ABHD2: variants seen among roughly 807,000 people sequenced by gnomAD.
ABHD2 encodes the protein monoacylglycerol lipase ABHD2.
In ABHD2, 20 loss-of-function variants were observed where a neutral mutation model predicts 48.1. The ratio of observed to expected loss-of-function variants is 0.42; its 90% CI spans 0.29 to 0.60. ABHD2 has a LOEUF of 0.60. ABHD2 is among the 20% of genes least tolerant of loss of function. ABHD2 has a pLI of 0.24. For synonymous variants in ABHD2, 209 were observed against 214.2 expected, an observed-to-expected ratio of 0.98 and a Z score of 0.21; for missense variants, 405 against 550.9, an observed-to-expected ratio of 0.74 and a Z score of 2.65.
the ABHD2 span, among the ~76,000 whole-genome samples, chr15:89,066,730 C>T: frequency 6.6e-6 from 1 of 152,126 alleles, no homozygotes; most frequent in African/African-American, 2.4e-5. Flanking sequence ...CTGTGCTCAG[C>T]AAGATACCTT....
the ABHD2 span, among the ~76,000 whole-genome samples, chr15:89,058,708 T>G: frequency 6.6e-6 from 1 of 152,184 alleles, no homozygotes; most frequent in African/African-American, 2.4e-5. Context: ...TCTTTCCTGC[T>G]GTGGAGCCCC....
At chr15:89,064,029 C>T in the ABHD2 span, among the ~76,000 whole-genome samples, 1 of 152,006 alleles carries the variant, frequency 6.6e-6, no homozygotes, top group Non-Finnish European at 1.5e-5. Context: ...CCCCAAGCCC[C>T]TGACAACCAC....
the ABHD2 span, among the ~76,000 whole-genome samples, chr15:89,042,594 A>C: frequency 2.0e-4 from 14 of 70,112 alleles, no homozygotes; most frequent in African/African-American, 1.0e-3. Flanking sequence ...TTTCTTATTT[A>C]TTTATTTATT....
rs1190864484 is a variant in ABHD2, at chr15:89,106,623, C to T, written c.-106-7102C>T. Among the ~76,000 whole-genome samples, 2 of 152,200 alleles carry T rather than the reference C, an allele frequency of 1.3e-5. No homozygotes were observed. Among genetic ancestry groups the T allele is most frequent in the African/African-American group, 2.4e-5 (1 of 41,446 alleles). ...CCCCAAAATCATCTGGGCTTGTTTTCGTCCCTGCAGAATGGTTTTTTTCCC... is the reference window on the plus strand; with the variant it reads ...CCCCAAAATCATCTGGGCTTGTTTTTGTCCCTGCAGAATGGTTTTTTTCCC... On this transcript the variant is annotated intron_variant, in intron 1 of 10. Transcript: ENST00000352732. The surrounding 1 kb of genome is among the most constrained non-coding windows in gnomAD (Gnocchi z 4.2).
intron 3 of ABHD2, among the ~76,000 whole-genome samples, chr15:89,131,331 T>G (rs185754338): frequency 2.4e-4 from 37 of 152,330 alleles, no homozygotes; most frequent in Non-Finnish European, 4.1e-4. Context: ...TGGAATCCCT[T>G]CATACCTCCA....
rs907680493 is a variant in ABHD2 at position 89,168,914 on chromosome 15, G to T, written c.539-6898G>T. Among the ~76,000 whole-genome samples, 3 of 152,016 alleles carry T rather than the reference G, an allele frequency of 2.0e-5. No individual in the cohort carries two copies. The highest frequency in any genetic ancestry group is 7.2e-5 in the African/African-American group (3 of 41,392). On this transcript the variant is annotated intron_variant, in intron 5 of 10. Transcript: ENST00000352732. This position sits in a 1 kb window ranked among gnomAD's most constrained non-coding sequence, Gnocchi z 4.8. ...CAACATAGTGGAACCTCCCAGGCAA[G>T]TTCGCCCATCTCTACAAAAAATCAG...
At chr15:89,147,162 T>A (rs994155607) in intron 3 of ABHD2, among the ~76,000 whole-genome samples, 1 of 152,098 alleles carries the variant, frequency 6.6e-6, no homozygotes, top group Non-Finnish European at 1.5e-5. Flanking sequence ...CCACTGAAAG[T>A]AGGGAAACGA....
At chr15:89,119,879 G>A (rs528349743) in intron 3 of ABHD2, among the ~76,000 whole-genome samples, 209 of 152,332 alleles carry the variant, frequency 1.4e-3, no homozygotes, top group African/African-American at 4.9e-3. Flanking sequence ...ATGAGGGAAA[G>A]TGCTTCTCCT....
chr15:89,090,088 T>C (rs1289745838), intron 1 of ABHD2, among the ~76,000 whole-genome samples: 1 of 152,156 alleles, frequency 6.6e-6, no homozygotes, highest in Non-Finnish European at 1.5e-5. Flanking sequence ...AGCCAGTGCA[T>C]GACTTATTTC....
chr15:89,104,462 G>T lies in ABHD2; in HGVS notation c.-106-9263G>T, dbSNP rs1283695599. 6.6e-6 allele frequency among the ~76,000 whole-genome samples: 1 copy of T among 152,152 alleles called. No homozygotes were observed. Among genetic ancestry groups the T allele is most frequent in the Non-Finnish European group, 1.5e-5 (1 of 68,038 alleles). On this transcript the variant is annotated intron_variant, in intron 1 of 10. Coordinates refer to ENST00000352732, the MANE Select transcript of ABHD2 (RefSeq NM_152924.5). The surrounding 1 kb of genome is among the most constrained non-coding windows in gnomAD (Gnocchi z 4.4). ...AATGCAAGACTGTTAGAGTGATAAT[G>T]GGCTGCACGTGTTAATGCTGTCATC...
In ABHD2 at chr15:89,175,440, G is replaced by C. The variant is rs1596146658; in HGVS notation, c.539-372G>C. On this transcript the variant is annotated intron_variant, in intron 5 of 10. Transcript: ENST00000352732. This position sits in a 1 kb window ranked among gnomAD's most constrained non-coding sequence, Gnocchi z 5.7. ...GCTGGCCTAGCTTTTATTTAGGTCT[G>C]TGTGTGAGCATATGTGCTCATGCAC... 6.6e-6 allele frequency among the ~76,000 whole-genome samples: 1 copy of C among 152,154 alleles called. No homozygotes were observed. Among genetic ancestry groups the C allele is most frequent in the South Asian group, 2.1e-4 (1 of 4,834 alleles).
Position 89,188,959 on chromosome 15 carries a change from C to T in ABHD2, c.926+656C>T, listed in dbSNP as rs1447800079. Among the ~76,000 whole-genome samples the T allele has an allele frequency of 1.3e-5, 2 of 152,082 alleles. No homozygotes were observed. Among genetic ancestry groups the T allele is most frequent in the South Asian group, 2.1e-4 (1 of 4,810 alleles). On this transcript the variant is annotated intron_variant, in intron 8 of 10. Transcript: ENST00000352732. The surrounding 1 kb of genome is among the most constrained non-coding windows in gnomAD (Gnocchi z 4.1). Reference sequence around the variant, plus strand: ...TGTGTTTCAAGCAAAATGGACAGAGCCTCTTACTTTGGGGCATGGTGACTC... The same window carrying T: ...TGTGTTTCAAGCAAAATGGACAGAGTCTCTTACTTTGGGGCATGGTGACTC...
intron 3 of ABHD2, among the ~76,000 whole-genome samples, chr15:89,129,936 A>G (rs911037721): frequency 6.6e-6 from 1 of 152,200 alleles, no homozygotes; most frequent in African/African-American, 2.4e-5. Flanking sequence ...CAAAAGACAT[A>G]ATGTACACGA....
the ABHD2 span, among the ~76,000 whole-genome samples, chr15:89,076,396 A>G: frequency 6.6e-6 from 1 of 152,204 alleles, no homozygotes; most frequent in Non-Finnish European, 1.5e-5. Context: ...AAATAGAAGG[A>G]CTTTTTATAA....
intron 3 of ABHD2, among the ~76,000 whole-genome samples, chr15:89,144,813 T>C (rs539953500): frequency 6.6e-6 from 1 of 152,356 alleles, no homozygotes; most frequent in South Asian, 2.1e-4. Flanking sequence ...TACTGAATTG[T>C]AGACTTTAAA....
the ABHD2 span, among the ~76,000 whole-genome samples, chr15:89,069,574 G>C: frequency 6.7e-6 from 1 of 149,466 alleles, no homozygotes; most frequent in South Asian, 2.1e-4. Flanking sequence ...GCCACTCCAG[G>C]TTTTTTCCTA....
intron 5 of ABHD2, among the ~76,000 whole-genome samples, chr15:89,157,710 G>A (rs562349478): frequency 1.6e-3 from 250 of 152,128 alleles, no homozygotes; most frequent in Middle Eastern, 3.4e-3. Flanking sequence ...GGGCGTGGTG[G>A]CGGGCACCTG....
upstream of ABHD2, among the ~76,000 whole-genome samples, chr15:89,086,851 C>T (rs1263877767): frequency 1.3e-5 from 2 of 152,190 alleles, no homozygotes; most frequent in African/African-American, 4.8e-5. Context: ...GGGTTCATCA[C>T]TAAGAGACTT....
rs568277199 is a variant in ABHD2 at position 89,116,473 on chromosome 15, C to T, written c.146C>T (p.Ser49Leu). ...TAPPDLYFQD[S>L]GLSRFLLKSC... ...CCACCTGACCTCTACTTCCAGGACTCGGGGCTCTCACGCTTTCTGCTCAAG... is the reference window on the plus strand; with the variant it reads ...CCACCTGACCTCTACTTCCAGGACTTGGGGCTCTCACGCTTTCTGCTCAAG... Residue 49 changes from serine to leucine, a missense_variant, in exon 3 of 11, where the codon TCG becomes TTG. Physicochemically the swap from Ser to Leu is moderately radical, Grantham distance 145 (BLOSUM62 -2). Transcript: ENST00000352732. This position sits in a 1 kb window ranked among gnomAD's most constrained non-coding sequence, Gnocchi z 4.6. The T allele has an allele frequency of 2.5e-6, 4 of 1,614,220 alleles. No individual in the cohort carries two copies. Among genetic ancestry groups the T allele is most frequent in the South Asian group, 1.1e-5 (1 of 91,084 alleles).
Sources: gnomAD v4.1 joint callset for allele counts (sites outside exome capture counted in the v4.1 genomes callset) on GRCh38, gnomAD v4.1.1 for gene constraint, Gnocchi (gnomAD v3.1) non-coding constraint, MANE v1.5 for transcripts, NCBI Gene and HGNC (gene_info 2026-07-23, HGNC 2026-07-21) for gene names.